The following SLC8A1 variants were observed in gnomAD, a reference collection of about 807,000 sequenced individuals.
SLC8A1 encodes sodium/calcium exchanger 1.
In SLC8A1, 18 loss-of-function variants were observed where a neutral mutation model predicts 68.3. The ratio of observed to expected loss-of-function variants is 0.26; its 90% CI spans 0.18 to 0.39. SLC8A1 has a LOEUF of 0.39. Among genes scored for constraint, SLC8A1 ranks in the 10% least tolerant of loss-of-function variants. The pLI is 1.00. For synonymous variants in SLC8A1, 475 were observed against 415.5 expected (o/e 1.14, Z -1.74); for missense variants, 985 against 1,156.7 (o/e 0.85, Z 2.15).
At chr2:40,190,009 C>G (rs959450880) in intron 2 of SLC8A1, 1 of 152,154 alleles carries the variant, frequency 6.6e-6, no homozygotes, top group Admixed American at 6.6e-5. Context: ...CATTACTAAC[C>G]TTTTGGCTGG....
At chr2:40,121,702 A>C (rs1271241052) in intron 7 of SLC8A1, among the ~76,000 whole-genome samples, 38 of 152,186 alleles carry the variant, frequency 2.5e-4, no homozygotes, top group Non-Finnish European at 2.9e-5. Flanking sequence ...ATGGGTGTTC[A>C]GTATTATTAG....
At chr2:40,342,154 T>C (rs1268429976) in intron 2 of SLC8A1, among the ~76,000 whole-genome samples, 1 of 152,146 alleles carries the variant, frequency 6.6e-6, no homozygotes, top group Non-Finnish European at 1.5e-5. Flanking sequence ...CAAATAATTT[T>C]TGTCTAGTTG....
intron 2 of SLC8A1, among the ~76,000 whole-genome samples, chr2:40,396,628 T>A (rs1231760384): frequency 6.6e-6 from 1 of 151,854 alleles, no homozygotes; most frequent in Non-Finnish European, 1.5e-5. Flanking sequence ...AGTACCTTAT[T>A]AATTCATTAA....
chr2:40,441,067 C>A (rs1448613144), intron 1 of SLC8A1, among the ~76,000 whole-genome samples: 1 of 152,186 alleles, frequency 6.6e-6, no homozygotes, highest in Non-Finnish European at 1.5e-5. Flanking sequence ...AGCTGACAAG[C>A]AACTTCAGCA....
At chr2:40,115,382 T>C in exon 8 of SLC8A1, 2 of 1,614,154 alleles carry the variant, frequency 1.2e-6, no homozygotes, top group Non-Finnish European at 1.7e-6. Context: ...CTCCGATTTC[T>C]GGCCTCCGCC....
intron 2 of SLC8A1, among the ~76,000 whole-genome samples, chr2:40,282,272 A>C (rs2067638278): frequency 6.6e-6 from 1 of 152,178 alleles, no homozygotes; most frequent in Non-Finnish European, 1.5e-5. Context: ...GTAATTTCTG[A>C]TCTGGAATAA....
intron 2 of SLC8A1, chr2:40,190,805 T>G (rs2051655014): frequency 6.6e-6 from 1 of 152,122 alleles, no homozygotes; most frequent in African/African-American, 2.4e-5. Flanking sequence ...CTAGTCTTAT[T>G]ATTATTCTCA....
At chr2:40,287,802 C>G (rs1181193838) in intron 2 of SLC8A1, among the ~76,000 whole-genome samples, 1 of 151,766 alleles carries the variant, frequency 6.6e-6, no homozygotes, top group Non-Finnish European at 1.5e-5. Context: ...AGAGAGGAAG[C>G]GTGGGAACTG....
At chr2:40,389,670 C>T (rs968113431) in intron 2 of SLC8A1, among the ~76,000 whole-genome samples, 1 of 151,872 alleles carries the variant, frequency 6.6e-6, no homozygotes, top group Non-Finnish European at 1.5e-5. Flanking sequence ...TTTCCAATTC[C>T]CATGTCACTC....
At chr2:40,468,413 A>T (rs2149900095) in intron 1 of SLC8A1, among the ~76,000 whole-genome samples, 1 of 152,264 alleles carries the variant, frequency 6.6e-6, no homozygotes, top group Non-Finnish European at 1.5e-5. Flanking sequence ...TATTTTAATT[A>T]TGAAGACTTT....
At chr2:40,114,961 C>T (rs1024878191) in exon 8 of SLC8A1, 2 of 185,278 alleles carry the variant, frequency 1.1e-5, no homozygotes, top group African/African-American at 4.7e-5. Context: ...AAAACAAAAC[C>T]AAAAACAAAA....
chr2:40,476,688 AAGTGTGGTTAGTG>A, intron 1 of SLC8A1, among the ~76,000 whole-genome samples: 3 of 152,172 alleles, frequency 2.0e-5, no homozygotes, highest in African/African-American at 7.2e-5. Context: ...TAGTGGGAGC[AAGTGTGGTTAGTG>A]CCAAATACAT....
chr2:40,400,542 A>G (rs972899750), intron 2 of SLC8A1, among the ~76,000 whole-genome samples: 11 of 152,308 alleles, frequency 7.2e-5, no homozygotes, highest in South Asian at 4.1e-4. Context: ...GGCCTGAGTC[A>G]AAGTCCTTTG....
chr2:40,480,086 T>A (rs1369284503), intron 1 of SLC8A1, among the ~76,000 whole-genome samples: 1 of 152,172 alleles, frequency 6.6e-6, no homozygotes, highest in African/African-American at 2.4e-5. Context: ...TTGTTTTTTT[T>A]TAAAAATTAG....
At chr2:40,334,945 C>T (rs1340444019) in intron 2 of SLC8A1, among the ~76,000 whole-genome samples, 1 of 152,206 alleles carries the variant, frequency 6.6e-6, no homozygotes, top group Non-Finnish European at 1.5e-5. Flanking sequence ...TGTCTTCCCC[C>T]TAACCTGTAC....
upstream of SLC8A1, among the ~76,000 whole-genome samples, chr2:40,452,323 C>T (rs1220825861): frequency 2.0e-5 from 3 of 151,930 alleles, no homozygotes; most frequent in Admixed American, 6.6e-5. Flanking sequence ...AAAGCCGGCG[C>T]GTTTCTGGAG....
chr2:40,213,094 G>A (rs145494542), intron 2 of SLC8A1: 1 of 152,266 alleles, frequency 6.6e-6, no homozygotes, highest in Non-Finnish European at 1.5e-5. Context: ...TGACTAAGTT[G>A]TCTCTTCTCT....
intron 1 of SLC8A1, among the ~76,000 whole-genome samples, chr2:40,463,686 C>T (rs968148901): frequency 2.0e-5 from 3 of 152,022 alleles, no homozygotes; most frequent in African/African-American, 7.3e-5. Flanking sequence ...CCACAATGAC[C>T]AGAATTATCC....
intron 2 of SLC8A1, among the ~76,000 whole-genome samples, chr2:40,201,321 A>G (rs2054321654): frequency 6.6e-6 from 1 of 151,818 alleles, no homozygotes; most frequent in Non-Finnish European, 1.5e-5. Context: ...ATATTTTTCT[A>G]CTCATTCAAC....
Sources: gnomAD v4.1 joint callset for allele counts (sites outside exome capture counted in the v4.1 genomes callset) on GRCh38, gnomAD v4.1.1 for gene constraint, MANE v1.5 for transcripts, NCBI Gene and HGNC (gene_info 2026-07-23, HGNC 2026-07-21) for gene names.